RALGAPA1: variants seen among roughly 807,000 people sequenced by gnomAD.
RALGAPA1 encodes the protein Ral GTPase activating protein catalytic subunit alpha 1, also known as ral GTPase-activating protein subunit alpha-1.
Under a neutral mutation model 269.6 loss-of-function variants are expected in RALGAPA1, and 52 were observed. The ratio of observed to expected loss-of-function variants is 0.19; its 90% CI spans 0.15 to 0.24. The LOEUF (loss-of-function observed/expected upper bound fraction) is 0.24, where lower values mean the gene tolerates loss of function less well. RALGAPA1 is among the 10% of genes least tolerant of loss of function. The probability of loss-of-function intolerance (pLI) is 1.00; values close to 1 mark genes in which losing one functional copy is unlikely to be tolerated. For missense variants in RALGAPA1, 1,917 were observed against 3,013.9 expected, an observed-to-expected ratio of 0.64 and a Z score of 8.52; for synonymous variants, 817 against 1,008.3, an observed-to-expected ratio of 0.81 and a Z score of 3.60.
chr14:35,744,665 T>A (rs1464149875), intron 10 of RALGAPA1, among the ~76,000 whole-genome samples: 2 of 152,226 alleles, frequency 1.3e-5, no homozygotes, highest in African/African-American at 4.8e-5. Flanking sequence ...AATTCCTTAG[T>A]AAACTACTTT....
intron 16 of RALGAPA1, chr14:35,706,979 T>C (rs569058555): frequency 6.6e-6 from 1 of 152,366 alleles, no homozygotes; most frequent in Admixed American, 6.5e-5. Flanking sequence ...TCCATGTACA[T>C]GAACTAGACC....
At chr14:35,757,747 C>A (rs575729978) in intron 6 of RALGAPA1, among the ~76,000 whole-genome samples, 2 of 152,250 alleles carry the variant, frequency 1.3e-5, no homozygotes, top group African/African-American at 4.8e-5. Flanking sequence ...TAGCTGAATT[C>A]TCTTAAATAT....
At chr14:35,588,335 C>T (rs903423453) in intron 37 of RALGAPA1, among the ~76,000 whole-genome samples, 3 of 152,156 alleles carry the variant, frequency 2.0e-5, no homozygotes, top group African/African-American at 7.2e-5. Context: ...ATTAAGGGCC[C>T]TTGTGACTAC....
intron 39 of RALGAPA1, among the ~76,000 whole-genome samples, chr14:35,557,113 T>C (rs2055693522): frequency 6.7e-6 from 1 of 149,548 alleles, no homozygotes; most frequent in African/African-American, 2.5e-5. Context: ...TGTGTGTGTG[T>C]GTGTGTGTGT....
At chr14:35,664,409 A>G (rs1297996895) in intron 27 of RALGAPA1, among the ~76,000 whole-genome samples, 2 of 152,222 alleles carry the variant, frequency 1.3e-5, no homozygotes, top group Non-Finnish European at 2.9e-5. Context: ...GAATCCTAAC[A>G]GGTAGACATG....
intron 4 of RALGAPA1, 36 bp from the exon 5 acceptor site, chr14:35,762,789 T>A (rs760763953): frequency 1.6e-6 from 2 of 1,226,602 alleles, no homozygotes; most frequent in South Asian, 1.2e-5. Context: ...ATTCACATCT[T>A]ATCTATTTGT....
At chr14:35,612,671 T>C (rs1594810462) in intron 35 of RALGAPA1, among the ~76,000 whole-genome samples, 1 of 151,858 alleles carries the variant, frequency 6.6e-6, no homozygotes, top group East Asian at 2.0e-4. Flanking sequence ...CCTGAGTGGC[T>C]GGGACTACAG....
chr14:35,708,149 T>C (rs922207789), intron 16 of RALGAPA1, among the ~76,000 whole-genome samples: 20 of 152,232 alleles, frequency 1.3e-4, no homozygotes, highest in Admixed American at 4.6e-4. Context: ...TCTCAAACTA[T>C]GACATTATTG....
At chr14:35,664,907 A>G (rs546885398) in intron 26 of RALGAPA1, 140 bp from the exon 27 acceptor site, 2 of 691,256 alleles carry the variant, frequency 2.9e-6, no homozygotes, top group South Asian at 4.3e-5. Flanking sequence ...AAACACAAAA[A>G]GATTTAAGTT....
At chr14:35,544,376 C>A (rs1178990514) in intron 41 of RALGAPA1, among the ~76,000 whole-genome samples, 2 of 152,172 alleles carry the variant, frequency 1.3e-5, no homozygotes, top group East Asian at 3.8e-4. Context: ...TAGTTAAGAT[C>A]ATGCCCTCTG....
intron 4 of RALGAPA1, chr14:35,766,674 A>C (rs2074176323): frequency 4.5e-6 from 3 of 661,124 alleles, no homozygotes; most frequent in Admixed American, 3.8e-5. Flanking sequence ...TCTCTCAGGA[A>C]ATGTTTTCTT....
intron 26 of RALGAPA1, among the ~76,000 whole-genome samples, chr14:35,667,169 A>C (rs2064009111): frequency 6.6e-6 from 1 of 152,168 alleles, no homozygotes. Flanking sequence ...TGGGAGGCTG[A>C]GGCGGGCGGA....
intron 37 of RALGAPA1, among the ~76,000 whole-genome samples, chr14:35,591,478 G>T (rs1019328286): frequency 6.6e-6 from 1 of 151,966 alleles, no homozygotes; most frequent in African/African-American, 2.4e-5. Context: ...ACCATGCCTG[G>T]CTAATTTTTA....
rs531837967 is a variant in RALGAPA1, at chr14:35,785,723, C to T, written c.107-9978G>A. Among the ~76,000 whole-genome samples the T allele has an allele frequency of 1.5e-4, 23 of 152,272 alleles. No individual in the cohort carries two copies. In the South Asian group the frequency reaches 4.8e-3, roughly 32 times the overall value. ...CTACACCCCATTTCATAAGACAAGT[C>T]CACTAATCACATGCTTGGATATCAC... On this transcript the variant is annotated intron_variant, in intron 1 of 41. Coordinates refer to ENST00000680220, the MANE Select transcript of RALGAPA1 (RefSeq NM_001346249.2).
At chr14:35,565,488 G>C (rs2056619321) in intron 39 of RALGAPA1, among the ~76,000 whole-genome samples, 1 of 152,010 alleles carries the variant, frequency 6.6e-6, no homozygotes, top group African/African-American at 2.4e-5. Flanking sequence ...CATCCAATCA[G>C]TTAAATACTT....
chr14:35,758,586 TAA>T (rs1437191233), intron 6 of RALGAPA1, among the ~76,000 whole-genome samples: 1 of 152,090 alleles, frequency 6.6e-6, no homozygotes, highest in Non-Finnish European at 1.5e-5. Flanking sequence ...AAAACACTGA[TAA>T]AAGAGTTGGT....
In RALGAPA1 at chr14:35,635,509, T is replaced by C. The variant is rs140637251; in HGVS notation, c.5766A>G (p.Ala1922=). The C allele has an allele frequency of 3.9e-5, 63 of 1,607,942 alleles. No individual in the cohort carries two copies. The African/African-American group carries it at 6.9e-4, about 18-fold the overall frequency. ...TLLQPFHATG[A]ESDKTEKSVL... ...CAGATTTTTCTGTTTTATCGCTTTC[T>C]GCTCCCGTAGCATGAAATGGTTGGA... The change falls in exon 32 of 42, where the codon GCA becomes GCG. Residue 1922 remains alanine (A), a synonymous_variant. Transcript: ENST00000680220.
intron 24 of RALGAPA1, among the ~76,000 whole-genome samples, chr14:35,673,264 T>A (rs1466452120): frequency 6.6e-6 from 1 of 152,144 alleles, no homozygotes; most frequent in Non-Finnish European, 1.5e-5. Flanking sequence ...TTAAAATAAT[T>A]AAATCTTTTG....
chr14:35,698,600 A>G (rs1429758921), intron 17 of RALGAPA1, among the ~76,000 whole-genome samples: 1 of 152,148 alleles, frequency 6.6e-6, no homozygotes, highest in African/African-American at 2.4e-5. Context: ...TAATAATGGA[A>G]GTGTTCAAAG....
Sources: gnomAD v4.1 joint callset for allele counts (sites outside exome capture counted in the v4.1 genomes callset) on GRCh38, gnomAD v4.1.1 for gene constraint, MANE v1.5 for transcripts, NCBI Gene and HGNC (gene_info 2026-07-23, HGNC 2026-07-21) for gene names.